The following XRCC4 variants were observed in gnomAD, a reference collection of about 807,000 sequenced individuals.
XRCC4 encodes X-ray repair cross complementing 4.
Under a neutral mutation model 39.1 loss-of-function variants are expected in XRCC4, and 28 were observed. The ratio of observed to expected loss-of-function variants is 0.72; its 90% CI spans 0.53 to 0.98. The LOEUF is 0.98. Among genes scored for constraint, XRCC4 ranks in the 50% least tolerant of loss-of-function variants. XRCC4 has a pLI of 0.00. For synonymous variants in XRCC4, 123 were observed against 126.4 expected (o/e 0.97, Z 0.18); for missense variants, 350 against 376.4 (o/e 0.93, Z 0.58).
At chr5:83,300,020 C>T (rs1266327104) in intron 7 of XRCC4, among the ~76,000 whole-genome samples, 2 of 152,096 alleles carry the variant, frequency 1.3e-5, no homozygotes, top group Non-Finnish European at 2.9e-5. Context: ...GATGTTTTTC[C>T]TGAAAAATAT....
chr5:83,302,439 C>T (rs1251196708), intron 7 of XRCC4, among the ~76,000 whole-genome samples: 4 of 152,146 alleles, frequency 2.6e-5, no homozygotes, highest in Non-Finnish European at 5.9e-5. Flanking sequence ...CCTTGGCTAG[C>T]GGAGGGAGTT....
chr5:83,223,888 T>C (rs920378074), intron 6 of XRCC4, among the ~76,000 whole-genome samples: 1 of 136,716 alleles, frequency 7.3e-6, no homozygotes, highest in Non-Finnish European at 1.5e-5. Context: ...GTGGTCCTTG[T>C]GATAGTTTGC....
At chr5:83,300,697 A>G (rs748093353) in intron 7 of XRCC4, among the ~76,000 whole-genome samples, 1 of 151,682 alleles carries the variant, frequency 6.6e-6, no homozygotes, top group Non-Finnish European at 1.5e-5. Context: ...GGTCATCTAC[A>G]TTAGGTATTT....
chr5:83,168,667 T>C (rs1402591999), intron 3 of XRCC4, among the ~76,000 whole-genome samples: 1 of 152,120 alleles, frequency 6.6e-6, no homozygotes, highest in Non-Finnish European at 1.5e-5. Context: ...GGTCCAAATT[T>C]CTGTAGTAAC....
chr5:83,129,551 A>G lies in XRCC4; in HGVS notation c.315+18348A>G, dbSNP rs985689086. ...GCTTGGTGGGGATGGCATTGAATCT[A>G]TAAATTACCTTGGGCAGTATGGCCA... is the stretch of plus-strand genomic sequence containing the variant. On this transcript the variant is annotated intron_variant, in intron 3 of 7. Coordinates refer to ENST00000396027, the MANE Select transcript of XRCC4 (RefSeq NM_003401.5). 4.6e-5 allele frequency among the ~76,000 whole-genome samples: 7 copies of G among 152,002 alleles called. 1 individual carries two copies. In the East Asian group the frequency reaches 5.8e-4, roughly 13 times the overall value.
At chr5:83,102,164 G>A (rs932672287) in intron 1 of XRCC4, among the ~76,000 whole-genome samples, 1 of 152,016 alleles carries the variant, frequency 6.6e-6, no homozygotes, top group Non-Finnish European at 1.5e-5. Context: ...TTTTTTAATT[G>A]TTTATAATAC....
At chr5:83,329,205 A>T (rs529236903) in intron 7 of XRCC4, among the ~76,000 whole-genome samples, 22 of 152,300 alleles carry the variant, frequency 1.4e-4, no homozygotes, top group African/African-American at 5.3e-4. Context: ...AAAACACAGG[A>T]GAATATTTTT....
intron 3 of XRCC4, among the ~76,000 whole-genome samples, chr5:83,125,951 C>G (rs57824349): frequency 7.3e-4 from 101 of 137,974 alleles, no homozygotes; most frequent in African/African-American, 2.6e-3. Context: ...CCATTGCACT[C>G]TAGCCTGGGC....
At chr5:83,338,141 C>G (rs2112190447) in intron 7 of XRCC4, among the ~76,000 whole-genome samples, 1 of 152,244 alleles carries the variant, frequency 6.6e-6, no homozygotes, top group Non-Finnish European at 1.5e-5. Context: ...AGTCAAGAAG[C>G]TAGAAGTTGT....
chr5:83,301,149 C>A (rs1043866845), intron 7 of XRCC4, among the ~76,000 whole-genome samples: 1 of 152,128 alleles, frequency 6.6e-6, no homozygotes, highest in African/African-American at 2.4e-5. Flanking sequence ...CTTGATGAAT[C>A]GCCACACTGT....
At chr5:83,298,306 T>C (rs1401033872) in intron 7 of XRCC4, among the ~76,000 whole-genome samples, 1 of 151,992 alleles carries the variant, frequency 6.6e-6, no homozygotes, top group East Asian at 1.9e-4. Context: ...AATTTATTAC[T>C]CTTGTTATTA....
chr5:83,323,942 T>C (rs951817987), intron 7 of XRCC4, among the ~76,000 whole-genome samples: 5 of 152,146 alleles, frequency 3.3e-5, no homozygotes, highest in Non-Finnish European at 7.4e-5. Flanking sequence ...GACAGTTTGA[T>C]TATCCAGAGA....
chr5:83,081,878 A>G (rs1395616643), intron 1 of XRCC4, among the ~76,000 whole-genome samples: 1 of 152,052 alleles, frequency 6.6e-6, no homozygotes, highest in Non-Finnish European at 1.5e-5. Flanking sequence ...GATATCTTGA[A>G]CTCAGATGTC....
chr5:83,203,621 G>T lies in XRCC4; in HGVS notation c.552G>T (p.Leu184Phe). ...TDLYKRFILV[L>F]NEKKTKIRSL... Reference sequence around the variant, plus strand: ...TTTATAAGCGGTTTATTCTGGTGTTGAATGAGAAGAAAACAAAAATCAGAA... The same window carrying T: ...TTTATAAGCGGTTTATTCTGGTGTTTAATGAGAAGAAAACAAAAATCAGAA... The change falls in exon 5 of 8, where the codon TTG (leucine) becomes TTT (phenylalanine). Residue 184 changes from leucine to phenylalanine, a missense_variant. By Grantham distance (22) the Leu-to-Phe change is conservative (BLOSUM62 0). Coordinates refer to ENST00000396027, the MANE Select transcript of XRCC4 (RefSeq NM_003401.5). 1 of 1,612,106 alleles carries T rather than the reference G, an allele frequency of 6.2e-7. No homozygotes were observed.
At chr5:83,195,326 T>A (rs1750893001) in intron 3 of XRCC4, among the ~76,000 whole-genome samples, 1 of 152,156 alleles carries the variant, frequency 6.6e-6, no homozygotes, top group Non-Finnish European at 1.5e-5. Flanking sequence ...ACCTTTCTCT[T>A]AGCTATAACA....
intron 3 of XRCC4, among the ~76,000 whole-genome samples, chr5:83,118,117 ACAAGTCTCTAGTAGAATTAATG>A (rs1746830075): frequency 6.6e-6 from 1 of 152,032 alleles, no homozygotes; most frequent in African/African-American, 2.4e-5. Flanking sequence ...AGAATTTGCT[ACAAGTCTCTAGTAGAATTAATG>A]CAAAGTCTAC....
intron 3 of XRCC4, among the ~76,000 whole-genome samples, chr5:83,125,790 C>G (rs961574790): frequency 2.0e-5 from 3 of 152,106 alleles, no homozygotes; most frequent in South Asian, 2.1e-4. Context: ...CACAACCAGT[C>G]TGAATAACAT....
intron 3 of XRCC4, among the ~76,000 whole-genome samples, chr5:83,134,439 G>A (rs1747777904): frequency 6.6e-6 from 1 of 152,144 alleles, no homozygotes; most frequent in Non-Finnish European, 1.5e-5. Context: ...CTAGCTAAAG[G>A]GTTGTAAATG....
At chr5:83,086,226 A>G (rs1745173264) in intron 1 of XRCC4, among the ~76,000 whole-genome samples, 1 of 152,212 alleles carries the variant, frequency 6.6e-6, no homozygotes, top group Non-Finnish European at 1.5e-5. Context: ...GTAATTAGCT[A>G]TAGAGTTGAC....
Sources: allele counts gnomAD v4.1 joint callset (sites outside exome capture counted in the v4.1 genomes callset), GRCh38; gene constraint gnomAD v4.1.1; transcripts MANE v1.5; gene names NCBI Gene and HGNC (gene_info 2026-07-23, HGNC 2026-07-21).